Variants in NFAT5 observed in about 807,000 individuals in gnomAD.
NFAT5 encodes nuclear factor of activated T cells 5.
In NFAT5, 31 loss-of-function variants were observed where a neutral mutation model predicts 166.5. The ratio of observed to expected loss-of-function variants is 0.19; its 90% confidence interval spans 0.14 to 0.25. NFAT5 has a LOEUF of 0.25. Among genes scored for constraint, NFAT5 ranks in the 10% least tolerant of loss-of-function variants. The probability of loss-of-function intolerance (pLI) is 1.00; values close to 1 mark genes in which losing one functional copy is unlikely to be tolerated. For synonymous variants in NFAT5, 612 were observed against 639.7 expected (o/e 0.96, Z 0.65); for missense variants, 1,449 against 1,821.8 (o/e 0.80, Z 3.72).
chr16:69,609,237 A>G (rs986179478), intron 2 of NFAT5, among the ~76,000 whole-genome samples: 1 of 152,214 alleles, frequency 6.6e-6, no homozygotes, highest in African/African-American at 2.4e-5. Flanking sequence ...TTAAAGAGGT[A>G]GTAAATACAA....
At chr16:69,621,314 G>C (rs2034187800) in intron 2 of NFAT5, among the ~76,000 whole-genome samples, 1 of 151,208 alleles carries the variant, frequency 6.6e-6, no homozygotes, top group Non-Finnish European at 1.5e-5. Context: ...TACCCATTTA[G>C]AGGGTACAAT....
At chr16:69,626,272 A>T in intron 2 of NFAT5, 131 bp from the exon 3 acceptor site, 1 of 783,644 alleles carries the variant, frequency 1.3e-6, no homozygotes, top group Non-Finnish European at 1.8e-6. Flanking sequence ...CTTTACATTA[A>T]TTTTGTGGGA....
Position 69,615,483 on chromosome 16 carries a change from C to A in NFAT5, c.128-10920C>A, listed in dbSNP as rs558702249. 5.3e-5 allele frequency among the ~76,000 whole-genome samples: 8 copies of A among 152,252 alleles called. No individual in the cohort carries two copies. In the South Asian group the frequency reaches 1.7e-3, roughly 32 times the overall value. ...CTATTTCTCTGAAAAGCCCTGGTTA[C>A]TTTTGGGGTGCTGCTTCTCCTAGGA... On this transcript the variant is annotated intron_variant, in intron 2 of 14. Coordinates refer to ENST00000349945, the MANE Select transcript of NFAT5 (RefSeq NM_138713.4).
chr16:69,575,287 C>A (rs1375440813), intron 2 of NFAT5, among the ~76,000 whole-genome samples: 2 of 152,122 alleles, frequency 1.3e-5, no homozygotes, highest in African/African-American at 4.8e-5. Flanking sequence ...CCTGCCTCAG[C>A]CTCATGAGTA....
rs143079468 is a variant in NFAT5, at chr16:69,663,738, G to A, written c.1369+3839G>A. On this transcript the variant is annotated intron_variant, in intron 7 of 14. Transcript: ENST00000349945. ...AAAAAATGTTTTAAGTTAGCTGGGCGTGGTGGCATGTCCCTGTAGACCCAG... is the reference window on the plus strand; with the variant it reads ...AAAAAATGTTTTAAGTTAGCTGGGCATGGTGGCATGTCCCTGTAGACCCAG... Among the ~76,000 whole-genome samples the A allele has an allele frequency of 5.9e-5, 9 of 152,044 alleles. No homozygotes were observed. In the South Asian group the frequency reaches 8.3e-4, roughly 14 times the overall value.
intron 2 of NFAT5, among the ~76,000 whole-genome samples, chr16:69,577,075 T>A (rs1416505957): frequency 6.6e-6 from 1 of 152,238 alleles, no homozygotes; most frequent in Non-Finnish European, 1.5e-5. Flanking sequence ...AGAGCCTTTA[T>A]TAATTTACTT....
At chr16:69,654,936 T>G (rs2035818637) in intron 5 of NFAT5, among the ~76,000 whole-genome samples, 1 of 152,242 alleles carries the variant, frequency 6.6e-6, no homozygotes, top group South Asian at 2.1e-4. Flanking sequence ...GAATCAGGAT[T>G]GGAAACATTT....
intron 2 of NFAT5, among the ~76,000 whole-genome samples, chr16:69,607,993 G>A (rs1423402285): frequency 6.6e-6 from 1 of 152,108 alleles, no homozygotes; most frequent in Non-Finnish European, 1.5e-5. Flanking sequence ...AAAGGGCCAT[G>A]GTGCTTAAAA....
At position 69,672,986 on chromosome 16, in the gene NFAT5, A is replaced by G. The variant is rs142069292; in HGVS notation, c.1557+2698A>G. Among the ~76,000 whole-genome samples, 706 of 151,828 alleles carry G rather than the reference A, an allele frequency of 4.6e-3. 2 individuals carry two copies. The highest frequency in any genetic ancestry group is 6.7e-3 in the Non-Finnish European group (455 of 68,000). ...CTATTTTGTATAGAACTTTATATTC[A>G]TAAGTTATCCTCCCTCCCTACCTCC... On this transcript the variant is annotated intron_variant, in intron 9 of 14. Coordinates refer to ENST00000349945, the MANE Select transcript of NFAT5 (RefSeq NM_138713.4).
intron 7 of NFAT5, among the ~76,000 whole-genome samples, chr16:69,661,797 A>G (rs2036157449): frequency 6.6e-6 from 1 of 152,196 alleles, no homozygotes; most frequent in Non-Finnish European, 1.5e-5. Flanking sequence ...ATGGATAGTT[A>G]CAGTGTGCCT....
In NFAT5 at chr16:69,667,066, G is replaced by A. The variant is rs1381111663; in HGVS notation, c.1370-2911G>A. Reference sequence around the variant, plus strand: ...AAATCATCACTCTCAGTAAACTATCGCAAGAACAAAAAACCAAACACTGCA... The same window carrying A: ...AAATCATCACTCTCAGTAAACTATCACAAGAACAAAAAACCAAACACTGCA... On this transcript the variant is annotated intron_variant, in intron 7 of 14. Coordinates refer to ENST00000349945, the MANE Select transcript of NFAT5 (RefSeq NM_138713.4). Among the ~76,000 whole-genome samples, 8 of 150,414 alleles carry A rather than the reference G, an allele frequency of 5.3e-5. No homozygotes were observed. In the East Asian group the frequency reaches 1.4e-3, roughly 26 times the overall value.
At chr16:69,578,253 C>T (rs998397164) in intron 2 of NFAT5, among the ~76,000 whole-genome samples, 1 of 152,056 alleles carries the variant, frequency 6.6e-6, no homozygotes, top group Non-Finnish European at 1.5e-5. Context: ...TACCAAGGGA[C>T]GACTGTACTC....
intron 4 of NFAT5, among the ~76,000 whole-genome samples, chr16:69,649,989 G>C (rs2035600333): frequency 6.6e-6 from 1 of 151,496 alleles, no homozygotes; most frequent in Non-Finnish European, 1.5e-5. Context: ...CTTAGTATTT[G>C]AATATTCCTA....
In NFAT5 at chr16:69,655,512, A is replaced by G. The variant is rs188489196; in HGVS notation, c.1006-97A>G. 3.6e-4 allele frequency: 321 copies of G among 892,984 alleles called. 1 individual carries two copies. The highest frequency in any genetic ancestry group is 3.3e-3 in the South Asian group (87 of 26,744). 55.3% of individuals were successfully genotyped at this position (892,984 alleles called of 1,614,324 possible). A position where few individuals can be genotyped will look rare whatever the true frequency, so the allele number is the denominator to read the frequency against. On this transcript the variant is annotated intron_variant, in intron 5 of 14. Transcript: ENST00000349945. ...ATTTAAATTTTTTTAAATGTAATTC[A>G]GTTACAAGTATAGGATTTGGTCTTA...
intron 2 of NFAT5, among the ~76,000 whole-genome samples, chr16:69,610,959 G>C (rs2033679453): frequency 6.6e-6 from 1 of 152,076 alleles, no homozygotes; most frequent in African/African-American, 2.4e-5. Flanking sequence ...TTTGGGAGCA[G>C]ACTCGGGTTT....
At chr16:69,631,434 G>GAAACA (rs897423119) in intron 3 of NFAT5, among the ~76,000 whole-genome samples, 5 of 151,650 alleles carry the variant, frequency 3.3e-5, no homozygotes, top group African/African-American at 1.2e-4. Flanking sequence ...CCATCTCAAA[G>GAAACA]AAACAAAACA....
At chr16:69,637,974 A>G (rs373841334) in intron 3 of NFAT5, among the ~76,000 whole-genome samples, 2 of 152,236 alleles carry the variant, frequency 1.3e-5, no homozygotes, top group East Asian at 3.9e-4. Context: ...TAATCCCAGC[A>G]TTTTGGGAGG....
chr16:69,647,590 G>T lies in NFAT5; in HGVS notation c.812+4G>T, dbSNP rs752147639. Reference sequence around the variant, plus strand: ...GCAACTCAAAAGCGGGAAATGGGTTGGTATTCACATTTTTTAAAATTCTAT... The same window carrying T: ...GCAACTCAAAAGCGGGAAATGGGTTTGTATTCACATTTTTTAAAATTCTAT... On this transcript the variant is annotated splice_donor_region_variant and intron_variant, in intron 4 of 14. Coordinates refer to ENST00000349945, the MANE Select transcript of NFAT5 (RefSeq NM_138713.4). The surrounding 1 kb of genome is among the most constrained non-coding windows in gnomAD (Gnocchi z 4.8). 6.5e-7 allele frequency: 1 copy of T among 1,546,268 alleles called. No individual in the cohort carries two copies. The highest frequency in any genetic ancestry group is 1.2e-5 in the South Asian group (1 of 84,404).
intron 2 of NFAT5, among the ~76,000 whole-genome samples, chr16:69,598,435 A>G (rs1023540567): frequency 3.3e-5 from 5 of 151,920 alleles, no homozygotes; most frequent in African/African-American, 1.2e-4. Flanking sequence ...TATTCAATAT[A>G]CATTTTGTGC....
Sources: gnomAD v4.1 joint callset for allele counts (sites outside exome capture counted in the v4.1 genomes callset) on GRCh38, gnomAD v4.1.1 for gene constraint, Gnocchi (gnomAD v3.1) non-coding constraint, MANE v1.5 for transcripts, NCBI Gene and HGNC (gene_info 2026-07-23, HGNC 2026-07-21) for gene names.